The following GUCY1A2 variants were observed in gnomAD, a reference collection of about 807,000 sequenced individuals.
GUCY1A2 encodes guanylate cyclase 1 soluble subunit alpha 2.
GUCY1A2 carries 27 observed loss-of-function variants against 63.5 expected under a neutral mutation model. That is an observed-to-expected ratio of 0.43 (90% confidence interval 0.31 to 0.59). The LOEUF (loss-of-function observed/expected upper bound fraction) is 0.59, where lower values mean the gene tolerates loss of function less well. Among genes scored for constraint, GUCY1A2 ranks in the 20% least tolerant of loss-of-function variants. The pLI is 0.11. For missense variants in GUCY1A2, 768 were observed against 913.3 expected (o/e 0.84, Z 2.05); for synonymous variants, 364 against 343.5 (o/e 1.06, Z -0.66).
At position 106,993,123 on chromosome 11, in the gene GUCY1A2, G is replaced by A. The variant is rs1591357596; in HGVS notation, c.304-6992C>T. The stretch of plus-strand genomic sequence containing the variant: ...TGAGCTTCTCTACAATATAGAAGAT[G>A]GTTGGAATCTTTAAGAGTTTAATTT... On this transcript the variant is annotated intron_variant, in intron 1 of 7. Coordinates refer to ENST00000526355, the MANE Select transcript of GUCY1A2 (RefSeq NM_000855.3). Among the ~76,000 whole-genome samples the A allele has an allele frequency of 5.3e-5, 8 of 152,244 alleles. 1 individual carries two copies. The South Asian group carries it at 1.7e-3, about 32-fold the overall frequency.
intron 4 of GUCY1A2, among the ~76,000 whole-genome samples, chr11:106,916,764 TTAC>T: frequency 6.9e-6 from 1 of 145,516 alleles, no homozygotes; most frequent in South Asian, 2.4e-4. Flanking sequence ...TATATCTTGA[TTAC>T]TGACATCATC....
chr11:106,995,596 C>A (rs896013445), intron 1 of GUCY1A2, among the ~76,000 whole-genome samples: 1 of 152,112 alleles, frequency 6.6e-6, no homozygotes, highest in Non-Finnish European at 1.5e-5. Flanking sequence ...TCCTGAATAA[C>A]CTTTTCTCAG....
At position 106,685,918 on chromosome 11, in the gene GUCY1A2, T is replaced by C. The variant is rs576173452; in HGVS notation, c.*1631A>G. On this transcript the variant is annotated 3_prime_UTR_variant, in exon 8 of 8. Coordinates refer to ENST00000526355, the MANE Select transcript of GUCY1A2 (RefSeq NM_000855.3). ...TACAAATGCCTTCTAGCCACACACA[T>C]AGAAAATTTAAAAACATTAAATGAA... 4.4e-6 allele frequency: 1 copy of C among 225,236 alleles called. No homozygotes were observed. The highest frequency in any genetic ancestry group is 1.8e-4 in the South Asian group (1 of 5,466). The allele number at this position is 225,236 out of a possible 1,614,324, so 14.0% of individuals were successfully genotyped here. A position where few individuals can be genotyped will look rare whatever the true frequency, so the allele number is the denominator to read the frequency against.
At chr11:106,731,636 C>G (rs1193670424) in intron 6 of GUCY1A2, among the ~76,000 whole-genome samples, 2 of 151,934 alleles carry the variant, frequency 1.3e-5, no homozygotes, top group Non-Finnish European at 2.9e-5. Context: ...CCTAGAAAAC[C>G]CCATAGTCTC....
chr11:106,767,991 C>G (rs1444875072), intron 6 of GUCY1A2, among the ~76,000 whole-genome samples: 4 of 152,144 alleles, frequency 2.6e-5, no homozygotes, highest in Non-Finnish European at 5.9e-5. Flanking sequence ...TTCTGCATTA[C>G]AATCCACAAC....
chr11:106,783,907 T>C (rs1180326847), intron 5 of GUCY1A2, among the ~76,000 whole-genome samples: 1 of 152,104 alleles, frequency 6.6e-6, no homozygotes, highest in Non-Finnish European at 1.5e-5. Flanking sequence ...CTCATCTCAG[T>C]GTCACCATAT....
intron 4 of GUCY1A2, among the ~76,000 whole-genome samples, chr11:106,883,410 TATC>T (rs1206199612): frequency 2.6e-5 from 4 of 152,146 alleles, no homozygotes; most frequent in Admixed American, 6.6e-5. Flanking sequence ...CATTCAAAAA[TATC>T]ATGCACTTAG....
intron 3 of GUCY1A2, among the ~76,000 whole-genome samples, chr11:106,961,826 A>T (rs1372105939): frequency 6.6e-6 from 1 of 152,196 alleles, no homozygotes; most frequent in Non-Finnish European, 1.5e-5. Context: ...GGTGCCCTAG[A>T]AGTCAAATAG....
rs1286025144 is a variant in GUCY1A2 at position 106,719,344 on chromosome 11, TA to T, written c.1837-10679del. ...TAGAAGCACAAATTAAAAAATGATT[TA>T]AAAAACTTTAAATATGTAGAAATAA... is the stretch of plus-strand genomic sequence containing the variant. On this transcript the variant is annotated intron_variant, in intron 6 of 7. Transcript: ENST00000526355. Among the ~76,000 whole-genome samples the T allele has an allele frequency of 2.0e-5, 3 of 152,014 alleles. No individual in the cohort carries two copies. The South Asian group carries it at 6.2e-4, about 31-fold the overall frequency.
intron 6 of GUCY1A2, among the ~76,000 whole-genome samples, chr11:106,711,665 G>T (rs532030710): frequency 2.0e-3 from 292 of 148,552 alleles, no homozygotes; most frequent in Non-Finnish European, 3.3e-3. Flanking sequence ...AGATCCATTT[G>T]TATCTGGTAT....
At chr11:106,964,926 G>A (rs1289788361) in intron 3 of GUCY1A2, among the ~76,000 whole-genome samples, 3 of 152,158 alleles carry the variant, frequency 2.0e-5, no homozygotes, top group Non-Finnish European at 4.4e-5. Flanking sequence ...CTTGCAGTGA[G>A]CCGAGATTGC....
At chr11:106,708,278 G>A (rs1294912077) in intron 7 of GUCY1A2, among the ~76,000 whole-genome samples, 3 of 152,030 alleles carry the variant, frequency 2.0e-5, no homozygotes, top group Non-Finnish European at 2.9e-5. Flanking sequence ...GAGACTGTGG[G>A]AAATGACAAA....
chr11:106,938,966 T>C (rs1860714893), intron 4 of GUCY1A2, among the ~76,000 whole-genome samples: 1 of 152,186 alleles, frequency 6.6e-6, no homozygotes, highest in Non-Finnish European at 1.5e-5. Flanking sequence ...TCTCAGCTTT[T>C]GGGGAATACA....
intron 4 of GUCY1A2, among the ~76,000 whole-genome samples, chr11:106,855,334 T>C (rs1486437712): frequency 1.3e-5 from 2 of 152,124 alleles, no homozygotes; most frequent in Non-Finnish European, 2.9e-5. Flanking sequence ...ACCTTCCTCA[T>C]TCCAAACCGA....
At chr11:106,977,717 T>C (rs1429865770) in intron 3 of GUCY1A2, among the ~76,000 whole-genome samples, 1 of 152,142 alleles carries the variant, frequency 6.6e-6, no homozygotes, top group Non-Finnish European at 1.5e-5. Context: ...AGAAAGAACA[T>C]GCAAACTGGT....
chr11:106,882,932 A>T (rs1859846039), intron 4 of GUCY1A2, among the ~76,000 whole-genome samples: 1 of 152,070 alleles, frequency 6.6e-6, no homozygotes, highest in Non-Finnish European at 1.5e-5. Flanking sequence ...TCATCCCATC[A>T]TTCAGATTCT....
At chr11:106,909,788 C>A (rs984994341) in intron 4 of GUCY1A2, among the ~76,000 whole-genome samples, 6 of 151,762 alleles carry the variant, frequency 4.0e-5, no homozygotes, top group African/African-American at 1.5e-4. Context: ...TGGTTTTTAG[C>A]CAATATGAAT....
Position 106,836,335 on chromosome 11 carries a change from G to C in GUCY1A2, c.1207-25857C>G, listed in dbSNP as rs566771717. Reference sequence around the variant, plus strand: ...TGTTCTTACAATAAAGTAAGCTAGAGAAAAATAAAATGTTATTAAGAAAAT... The same window carrying C: ...TGTTCTTACAATAAAGTAAGCTAGACAAAAATAAAATGTTATTAAGAAAAT... On this transcript the variant is annotated intron_variant, in intron 4 of 7. Coordinates refer to ENST00000526355, the MANE Select transcript of GUCY1A2 (RefSeq NM_000855.3). 4.6e-5 allele frequency among the ~76,000 whole-genome samples: 7 copies of C among 151,866 alleles called. No individual in the cohort carries two copies. The South Asian group carries it at 1.2e-3, about 27-fold the overall frequency.
At chr11:106,896,450 G>C (rs1270586107) in intron 4 of GUCY1A2, among the ~76,000 whole-genome samples, 1 of 152,136 alleles carries the variant, frequency 6.6e-6, no homozygotes, top group Non-Finnish European at 1.5e-5. Flanking sequence ...TTGTACTGAA[G>C]TCCTAGCTAA....
Sources: gnomAD v4.1 joint callset for allele counts (sites outside exome capture counted in the v4.1 genomes callset) on GRCh38, gnomAD v4.1.1 for gene constraint, MANE v1.5 for transcripts, NCBI Gene and HGNC (gene_info 2026-07-23, HGNC 2026-07-21) for gene names.